The following DNAI7 variants were observed in gnomAD, a reference collection of about 807,000 sequenced individuals.
DNAI7 encodes the protein dynein axonemal intermediate chain 7, also known as cancer susceptibility 1.
A neutral mutation model predicts 86.6 loss-of-function variants in DNAI7; 78 were observed. The observed-to-expected ratio is 0.90, with a 90% CI of 0.75 to 1.09. The LOEUF is 1.09. Ranked by LOEUF, DNAI7 falls within the 50% of genes least tolerant of loss-of-function variation. DNAI7 has a pLI of 0.00. For missense variants in DNAI7, 753 were observed against 810.2 expected (o/e 0.93, Z 0.86); for synonymous variants, 274 against 273.0 (o/e 1.00, Z -0.04).
In DNAI7 at chr12:25,134,337, G is replaced by A. The variant is rs11047851; in HGVS notation, c.1002+10028C>T. ...GTGCATCTTGCCATTCATTATAATG[G>A]TTTTCCTTGGCGTACTTTTTTTTTT... On this transcript the variant is annotated intron_variant, in intron 9 of 15. Coordinates refer to ENST00000395987, the MANE Select transcript of DNAI7 (RefSeq NM_018272.5). Among the ~76,000 whole-genome samples the A allele has an allele frequency of 2.4e-3, 331 of 135,344 alleles. 1 individual carries two copies. The highest frequency in any genetic ancestry group is 3.5e-3 in the Non-Finnish European group (223 of 63,432). 88.8% of individuals were successfully genotyped at this position (135,344 alleles called of 152,430 possible).
chr12:25,174,707 C>CATATGGAATATATATATCATATAT (rs1367954197), intron 2 of DNAI7, among the ~76,000 whole-genome samples: 1 of 74,942 alleles, frequency 1.3e-5, no homozygotes, highest in African/African-American at 5.2e-5. Flanking sequence ...AGATATCATA[C>CATATGGAATATATATATCATATAT]ATATGGAATA....
At chr12:25,126,857 T>C (rs895552270) in intron 9 of DNAI7, among the ~76,000 whole-genome samples, 26 of 152,298 alleles carry the variant, frequency 1.7e-4, no homozygotes, top group Non-Finnish European at 2.8e-4. Flanking sequence ...CTTTAAAAAG[T>C]TGAGAACTCT....
chr12:25,121,692 A>C, intron 11 of DNAI7, 61 bp downstream of exon 11: 1 of 1,330,288 alleles, frequency 7.5e-7, no homozygotes, highest in Non-Finnish European at 1.1e-6. Flanking sequence ...GATAATATGA[A>C]ATAAAGTAAA....
chr12:25,174,478 GATATATATATCATATATCCC>G (rs1565811236), intron 2 of DNAI7, among the ~76,000 whole-genome samples: 3 of 91,684 alleles, frequency 3.3e-5, no homozygotes, highest in African/African-American at 1.4e-4. Flanking sequence ...ATATATATGG[GATATATATATCATATATCCC>G]ATATATATGG....
intron 1 of DNAI7, among the ~76,000 whole-genome samples, chr12:25,193,907 C>T (rs1950774994): frequency 6.6e-6 from 1 of 151,814 alleles, no homozygotes; most frequent in African/African-American, 2.4e-5. Flanking sequence ...CTGCAACCTC[C>T]GCCTCCCAGG....
intron 2 of DNAI7, among the ~76,000 whole-genome samples, chr12:25,173,340 A>T (rs545322724): frequency 2.4e-4 from 36 of 152,210 alleles, no homozygotes; most frequent in African/African-American, 7.7e-4. Flanking sequence ...CAATAAACAT[A>T]TGAAAAAATG....
In DNAI7 at chr12:25,127,708, G is replaced by A. The variant is rs1008827183; in HGVS notation, c.1003-4422C>T. ...GGGACACTAGCAAATAATTTTCATT[G>A]CAACTTGATAAATGCACAGATAGTA... is the stretch of plus-strand genomic sequence containing the variant. On this transcript the variant is annotated intron_variant, in intron 9 of 15. Transcript: ENST00000395987. 3.3e-5 allele frequency among the ~76,000 whole-genome samples: 5 copies of A among 152,244 alleles called. No homozygotes were observed. The East Asian group carries it at 9.6e-4, about 29-fold the overall frequency.
At chr12:25,123,705 C>T (rs923603052) in intron 9 of DNAI7, among the ~76,000 whole-genome samples, 1 of 152,116 alleles carries the variant, frequency 6.6e-6, no homozygotes, top group Admixed American at 6.6e-5. Context: ...GATGTTGCAG[C>T]TCAAGTAATG....
chr12:25,158,474 T>C lies in DNAI7; in HGVS notation c.196A>G (p.Lys66Glu). The C allele has an allele frequency of 6.2e-7, 1 of 1,608,622 alleles. No homozygotes were observed. Among genetic ancestry groups the C allele is most frequent in the Non-Finnish European group, 8.5e-7 (1 of 1,176,254 alleles). Residue 66 changes from lysine to glutamate, a missense_variant and splice_region_variant, in exon 4 of 16, where the codon AAA becomes GAA. Transcript: ENST00000395987. ...EKEKWHRLEA[K>E]DLERRNEELE... ...GAACATTATTAATGTTTATTTACTT[T>C]TGCTTCAAGTCGATGCCATTTTTCT... is the stretch of plus-strand genomic sequence containing the variant.
intron 13 of DNAI7, among the ~76,000 whole-genome samples, chr12:25,112,406 T>TTG (rs1939054885): frequency 7.6e-6 from 1 of 131,874 alleles, no homozygotes; most frequent in Non-Finnish European, 1.6e-5. Flanking sequence ...CTGGTTTTTT[T>TTG]TTTTTTTTTT....
chr12:25,108,103 AGTATCTGAACTTC>A, downstream of DNAI7: 3 of 1,595,440 alleles, frequency 1.9e-6, no homozygotes, highest in Non-Finnish European at 2.6e-6. Flanking sequence ...TTTAAGTTTC[AGTATCTGAACTTC>A]GTAAATTAGT....
chr12:25,110,022 T>A, intron 15 of DNAI7, 105 bp downstream of exon 15: 1 of 644,036 alleles, frequency 1.6e-6, no homozygotes, highest in South Asian at 2.0e-5. Flanking sequence ...TTAATTTTTT[T>A]AACTTTTCTA....
chr12:25,128,871 C>T (rs1349468592), intron 9 of DNAI7, among the ~76,000 whole-genome samples: 1 of 152,164 alleles, frequency 6.6e-6, no homozygotes, highest in Non-Finnish European at 1.5e-5. Flanking sequence ...GCCAGAATAA[C>T]CTTTCAGGGC....
At chr12:25,119,322 A>T in intron 11 of DNAI7, 21 bp from the exon 12 acceptor site, 1 of 1,560,970 alleles carries the variant, frequency 6.4e-7, no homozygotes, top group Non-Finnish European at 8.8e-7. Flanking sequence ...TGACCAAAAC[A>T]ACATCAAGTT....
chr12:25,158,426 G>C, intron 4 of DNAI7, 46 bp downstream of exon 4: 1 of 1,436,084 alleles, frequency 7.0e-7, no homozygotes, highest in Non-Finnish European at 9.7e-7. Context: ...AAATCTGATA[G>C]CCATAGTTTA....
rs1950160626 is a variant in DNAI7, at chr12:25,187,732, A to G, written c.21+2882T>C. Among the ~76,000 whole-genome samples the G allele has an allele frequency of 2.0e-5, 3 of 152,336 alleles. No individual in the cohort carries two copies. In the South Asian group the frequency reaches 6.2e-4, roughly 32 times the overall value. ...GTAATTTCAATACGCCAAAACAAAAAGGTCCCCAAGGTATACTTACTCCAT... is the reference window on the plus strand; with the variant it reads ...GTAATTTCAATACGCCAAAACAAAAGGGTCCCCAAGGTATACTTACTCCAT... On this transcript the variant is annotated intron_variant, in intron 2 of 15. Coordinates refer to ENST00000395987, the MANE Select transcript of DNAI7 (RefSeq NM_018272.5).
intron 2 of DNAI7, among the ~76,000 whole-genome samples, chr12:25,178,376 T>C (rs1949167441): frequency 6.6e-6 from 1 of 152,206 alleles, no homozygotes; most frequent in Non-Finnish European, 1.5e-5. Flanking sequence ...TTCTAATATA[T>C]TGGCATAAAA....
chr12:25,115,542 A>AAAG (rs34311325), intron 12 of DNAI7, among the ~76,000 whole-genome samples: 103,745 of 151,848 alleles, frequency 0.68, 39,495 homozygotes, highest in East Asian at 0.99. Flanking sequence ...ACATTTCACC[A>AAAG]AAGAGATATG....
intron 11 of DNAI7, among the ~76,000 whole-genome samples, chr12:25,120,674 A>G (rs1410239710): frequency 2.0e-5 from 3 of 152,286 alleles, no homozygotes; most frequent in East Asian, 3.9e-4. Flanking sequence ...GCAGTGAGCC[A>G]AGACAGCGCC....
Sources: gnomAD v4.1 joint callset for allele counts (sites outside exome capture counted in the v4.1 genomes callset) on GRCh38, gnomAD v4.1.1 for gene constraint, MANE v1.5 for transcripts, NCBI Gene and HGNC (gene_info 2026-07-23, HGNC 2026-07-21) for gene names.